ACOT12: variants seen among roughly 807,000 people sequenced by gnomAD.
ACOT12 encodes acetyl-coenzyme A thioesterase.
Under a neutral mutation model 67.7 loss-of-function variants are expected in ACOT12, and 51 were observed. That is an observed-to-expected ratio of 0.75 (90% CI 0.60 to 0.95). The LOEUF is 0.95. Among genes scored for constraint, ACOT12 ranks in the 40% least tolerant of loss-of-function variants. ACOT12 has a pLI of 0.00. For missense variants in ACOT12, 734 were observed against 708.1 expected (o/e 1.04, Z -0.41); for synonymous variants, 251 against 244.6 (o/e 1.03, Z -0.24).
intron 5 of ACOT12, among the ~76,000 whole-genome samples, chr5:81,359,147 T>G (rs4703516): frequency 0.89 from 135,863 of 152,144 alleles, 61,326 homozygotes; most frequent in African/African-American, 0.98. Flanking sequence ...GAGCCAAGGG[T>G]TGCTGAACCT....
At chr5:81,332,693 T>TAA in intron 12 of ACOT12, 88 bp from the exon 13 acceptor site, 1 of 1,513,512 alleles carries the variant, frequency 6.6e-7, no homozygotes, top group Non-Finnish European at 9.0e-7. Flanking sequence ...TCTCATTATT[T>TAA]GTATCCATAT....
intron 5 of ACOT12, among the ~76,000 whole-genome samples, chr5:81,356,985 G>A (rs564394344): frequency 6.6e-6 from 1 of 151,586 alleles, no homozygotes; most frequent in East Asian, 2.0e-4. Flanking sequence ...ATGGCCCAGG[G>A]AGCCTCCATG....
chr5:81,330,901 T>C lies in ACOT12; in HGVS notation c.1431A>G (p.Pro477=), dbSNP rs555964953. 4.3e-6 allele frequency: 7 copies of C among 1,612,876 alleles called. No individual in the cohort carries two copies. In the East Asian group the frequency reaches 1.1e-4, roughly 26 times the overall value. ...YTVAVKSVIL[P]SVPPSPQYIR... ...TGTACTGTGGAGACGGGGGGACCGA[T>C]GGCAAAATGACCGACTTCACTGCCA... The change falls in exon 14 of 15, where the codon CCA becomes CCG. Residue 477 remains proline (P), a synonymous_variant. Transcript: ENST00000307624.
At chr5:81,371,443 G>T (rs772858249) in intron 3 of ACOT12, among the ~76,000 whole-genome samples, 56 of 151,832 alleles carry the variant, frequency 3.7e-4, no homozygotes, top group Non-Finnish European at 7.7e-4. Context: ...CTTAAAGATT[G>T]GGTCTTGCTA....
intron 11 of ACOT12, among the ~76,000 whole-genome samples, chr5:81,336,993 G>A (rs1191994989): frequency 6.6e-6 from 1 of 152,232 alleles, no homozygotes; most frequent in Non-Finnish European, 1.5e-5. Context: ...AGCCTGCAAA[G>A]GAAGACATGA....
the ACOT12 span, among the ~76,000 whole-genome samples, chr5:81,313,940 T>G: frequency 2.6e-5 from 4 of 152,286 alleles, no homozygotes; most frequent in South Asian, 2.1e-4. Context: ...ACAGTAATGC[T>G]GCCTTAGTCA....
At position 81,344,173 on chromosome 5, in the gene ACOT12, T is replaced by G; in HGVS notation, c.967A>C (p.Ile323Leu). ...RYRGAIARKR[I>L]RLGRKYVISH... The stretch of plus-strand genomic sequence containing the variant: ...TATGTTCCTTACCTGCCTAGGCGAA[T>G]TCGCTTGCGTGCAATAGCTCCCCGA... The change falls in exon 9 of 15, where the codon ATT becomes CTT. Residue 323 changes from isoleucine to leucine, a missense_variant. Coordinates refer to ENST00000307624, the MANE Select transcript of ACOT12 (RefSeq NM_130767.3). 1 of 1,613,838 alleles carries G rather than the reference T, an allele frequency of 6.2e-7. No individual in the cohort carries two copies. The highest frequency in any genetic ancestry group is 1.1e-5 in the South Asian group (1 of 90,980).
At chr5:81,347,988 CAGCTTTT>C in intron 5 of ACOT12, 58 bp from the exon 6 acceptor site, 1 of 1,546,104 alleles carries the variant, frequency 6.5e-7, no homozygotes, top group Non-Finnish European at 8.8e-7. Context: ...CCTGGGGCTC[CAGCTTTT>C]CCTTCCCGGC....
chr5:81,310,644 T>C, the ACOT12 span, among the ~76,000 whole-genome samples: 9 of 152,208 alleles, frequency 5.9e-5, no homozygotes, highest in African/African-American at 2.2e-4. Context: ...TTCACAATCC[T>C]GGAATGTTGT....
At chr5:81,314,920 T>G in the ACOT12 span, among the ~76,000 whole-genome samples, 3 of 152,054 alleles carry the variant, frequency 2.0e-5, no homozygotes, top group African/African-American at 7.3e-5. Flanking sequence ...CCAGCGATCC[T>G]CCCGCCTCAG....
the ACOT12 span, chr5:81,308,935 G>A: frequency 1.9e-6 from 3 of 1,611,106 alleles, no homozygotes; most frequent in Admixed American, 3.4e-5. Context: ...AGGAACTGTT[G>A]ATTTTTACAG....
chr5:81,330,642 C>G (rs1758787327), intron 14 of ACOT12, 99 bp from the exon 15 acceptor site: 3 of 1,495,684 alleles, frequency 2.0e-6, no homozygotes, highest in Non-Finnish European at 2.7e-6. Flanking sequence ...GGCTAAGACC[C>G]TAATCTTCTG....
At chr5:81,365,518 A>G (rs567928567) in intron 3 of ACOT12, among the ~76,000 whole-genome samples, 13 of 152,348 alleles carry the variant, frequency 8.5e-5, no homozygotes, top group African/African-American at 2.9e-4. Flanking sequence ...GGAGTGTTAA[A>G]ATAAGTTCTA....
chr5:81,371,238 G>A (rs951872440), intron 3 of ACOT12, among the ~76,000 whole-genome samples: 3 of 152,036 alleles, frequency 2.0e-5, no homozygotes, highest in Non-Finnish European at 4.4e-5. Flanking sequence ...ATGTTTAAAT[G>A]TGTTGGTTTT....
At chr5:81,313,936 A>G in the ACOT12 span, among the ~76,000 whole-genome samples, 6 of 152,298 alleles carry the variant, frequency 3.9e-5, no homozygotes, top group Admixed American at 3.3e-4. Flanking sequence ...AAGGACAGTA[A>G]TGCTGCCTTA....
chr5:81,357,192 T>C (rs1375694260), intron 5 of ACOT12, among the ~76,000 whole-genome samples: 1 of 152,138 alleles, frequency 6.6e-6, no homozygotes, highest in African/African-American at 2.4e-5. Flanking sequence ...TCGTGAACCC[T>C]GAAGGGCCCT....
At chr5:81,365,819 C>G (rs1760060663) in intron 3 of ACOT12, among the ~76,000 whole-genome samples, 2 of 152,254 alleles carry the variant, frequency 1.3e-5, no homozygotes, top group Middle Eastern at 3.4e-3. Context: ...GAAGAAAAAC[C>G]TAACTCTGCT....
intron 11 of ACOT12, among the ~76,000 whole-genome samples, chr5:81,340,037 T>C (rs894278785): frequency 1.3e-5 from 2 of 150,924 alleles, no homozygotes; most frequent in Non-Finnish European, 2.9e-5. Flanking sequence ...GAGGAAAGTA[T>C]GATTCTTTTT....
intron 5 of ACOT12, among the ~76,000 whole-genome samples, chr5:81,348,890 T>G (rs1470323296): frequency 6.6e-6 from 1 of 152,210 alleles, no homozygotes; most frequent in African/African-American, 2.4e-5. Flanking sequence ...TCATATCTGC[T>G]CCGTTTACTA....
Sources: gnomAD v4.1 joint callset for allele counts (sites outside exome capture counted in the v4.1 genomes callset) on GRCh38, gnomAD v4.1.1 for gene constraint, MANE v1.5 for transcripts, NCBI Gene and HGNC (gene_info 2026-07-23, HGNC 2026-07-21) for gene names.